Variants in SLC6A12 observed in about 807,000 individuals in gnomAD.
The protein encoded by SLC6A12 is sodium- and chloride-dependent betaine transporter.
SLC6A12 carries 50 observed loss-of-function variants against 73.3 expected under a neutral mutation model. The ratio of observed to expected loss-of-function variants is 0.68; its 90% CI spans 0.54 to 0.86. SLC6A12 has a LOEUF of 0.86. Ranked by LOEUF, SLC6A12 falls within the 40% of genes least tolerant of loss-of-function variation. The probability of loss-of-function intolerance (pLI) is 0.00; values close to 1 mark genes in which losing one functional copy is unlikely to be tolerated. For synonymous variants in SLC6A12, 304 were observed against 309.2 expected, an observed-to-expected ratio of 0.98 and a Z score of 0.18; for missense variants, 648 against 772.8, an observed-to-expected ratio of 0.84 and a Z score of 1.92.
chr12:204,447 C>G (rs747596737), intron 4 of SLC6A12, 117 bp downstream of exon 4: 12 of 1,030,878 alleles, frequency 1.2e-5, no homozygotes, highest in Non-Finnish European at 1.8e-5. Context: ...GCACTTGGCG[C>G]AGGATATGGG....
rs1941011668 is a variant in SLC6A12, at chr12:214,103, G to C, written c.-324C>G. ...CAGAATCCCATGTGACTTGTCCAGG[G>C]ACTCCCAGACAGAAAGAAGCCGTGT... On this transcript the variant is annotated 5_prime_UTR_variant, in exon 1 of 16. Coordinates refer to ENST00000684302, the MANE Select transcript of SLC6A12 (RefSeq NM_001122848.3). The surrounding 1 kb of genome is among the most constrained non-coding windows in gnomAD (Gnocchi z 4.2). The C allele has an allele frequency of 6.6e-6, 1 of 152,620 alleles. No homozygotes were observed. Among genetic ancestry groups the C allele is most frequent in the African/African-American group, 2.4e-5 (1 of 41,474 alleles). 9.5% of individuals were successfully genotyped at this position (152,620 alleles called of 1,614,324 possible).
chr12:204,228 C>T (rs1257821054), intron 4 of SLC6A12: 3 of 292,562 alleles, frequency 1.0e-5, no homozygotes, highest in African/African-American at 6.4e-5. Flanking sequence ...CACCCAGAGC[C>T]TGTGAGTAGA....
rs767026900 is a variant in SLC6A12 at position 202,884 on chromosome 12, C to T, written c.350-4G>A. The T allele has an allele frequency of 1.2e-6, 2 of 1,613,440 alleles. No individual in the cohort carries two copies. The highest frequency in any genetic ancestry group is 1.7e-6 in the Non-Finnish European group (2 of 1,179,764). ...ACCACAGATGCCAGACCAATGCCTT[C>T]CAGAGTGGGGGAGAGATGGGGAGGG... On this transcript the variant is annotated splice_polypyrimidine_tract_variant and splice_region_variant and intron_variant, in intron 4 of 15. Transcript: ENST00000684302.
downstream of SLC6A12, among the ~76,000 whole-genome samples, chr12:188,196 G>A (rs975583722): frequency 2.0e-5 from 3 of 152,298 alleles, no homozygotes; most frequent in East Asian, 1.9e-4. Flanking sequence ...GGCTCGGGCC[G>A]CACAGGAGCC....
At chr12:189,107 C>A (rs1402154052), downstream of SLC6A12, among the ~76,000 whole-genome samples, 1 of 152,210 alleles carries the variant, frequency 6.6e-6, no homozygotes, top group Admixed American at 6.5e-5. Flanking sequence ...CAAAGCGTGC[C>A]CTCCAGGGTG....
At chr12:197,147 A>AGTGTTGG (rs1939930550) in intron 10 of SLC6A12, among the ~76,000 whole-genome samples, 1 of 119,202 alleles carries the variant, frequency 8.4e-6, no homozygotes, top group Non-Finnish European at 1.8e-5. Context: ...CCATCCATCC[A>AGTGTTGG]TCCATCCATC....
At chr12:197,821 G>A (rs1399497108) in intron 9 of SLC6A12, 79 bp downstream of exon 9, 2 of 1,049,258 alleles carry the variant, frequency 1.9e-6, no homozygotes, top group South Asian at 1.4e-5. Context: ...TCTGGGCCCA[G>A]AGACTATGGG....
intron 4 of SLC6A12, among the ~76,000 whole-genome samples, 179 bp from the exon 5 acceptor site, chr12:203,059 C>CTTTTTTTTTTTTTTTTTTTTTTT (rs10582500): frequency 2.9e-5 from 2 of 68,340 alleles, no homozygotes. Flanking sequence ...TTTTTCTTTT[C>CTTTTTTTTTTTTTTTTTTTTTTT]TTTTTTTTTT....
intron 7 of SLC6A12, among the ~76,000 whole-genome samples, chr12:200,254 G>T (rs538565890): frequency 1.3e-5 from 2 of 150,376 alleles, no homozygotes; most frequent in East Asian, 3.9e-4. Flanking sequence ...GACTACAGGT[G>T]CCCACCACCA....
intron 3 of SLC6A12, among the ~76,000 whole-genome samples, chr12:209,085 C>T (rs1056125554): frequency 3.3e-5 from 5 of 152,196 alleles, no homozygotes; most frequent in Non-Finnish European, 5.9e-5. Context: ...ATCCCAGCCA[C>T]ACCTGCCTCC....
intron 4 of SLC6A12, 148 bp downstream of exon 4, chr12:204,416 C>T: frequency 1.3e-6 from 1 of 795,956 alleles, no homozygotes; most frequent in Non-Finnish European, 2.0e-6. Flanking sequence ...TCTCTCCGGC[C>T]CACCCATGAA....
chr12:184,334 T>C, the SLC6A12 span, among the ~76,000 whole-genome samples: 3 of 152,116 alleles, frequency 2.0e-5, no homozygotes. Flanking sequence ...CTATCAAAAA[T>C]CATCAGCTGG....
At chr12:200,555 T>A in intron 7 of SLC6A12, 96 bp downstream of exon 7, 1 of 1,357,380 alleles carries the variant, frequency 7.4e-7, no homozygotes, top group Admixed American at 2.1e-5. Context: ...TGTAGTTTCT[T>A]AATAGAAAGA....
intron 6 of SLC6A12, chr12:201,539 G>A: frequency 3.7e-6 from 2 of 543,140 alleles, no homozygotes; most frequent in South Asian, 4.1e-5. Flanking sequence ...ATGTGGGGCT[G>A]AAGGTGGACA....
chr12:187,978 T>G (rs546614470), downstream of SLC6A12, among the ~76,000 whole-genome samples: 1 of 152,276 alleles, frequency 6.6e-6, no homozygotes, highest in South Asian at 2.1e-4. Flanking sequence ...GAGTGCCGAT[T>G]GGTGTATTTA....
intron 3 of SLC6A12, among the ~76,000 whole-genome samples, chr12:209,294 C>G (rs1940803761): frequency 6.6e-6 from 1 of 152,216 alleles, no homozygotes; most frequent in Non-Finnish European, 1.5e-5. Flanking sequence ...TCTCACCCCT[C>G]CACTCATCAC....
At chr12:188,901 G>A (rs973368126), downstream of SLC6A12, among the ~76,000 whole-genome samples, 43 of 147,810 alleles carry the variant, frequency 2.9e-4, no homozygotes, top group Non-Finnish European at 5.7e-4. Context: ...AGATCCCTTT[G>A]GACTCATCCA....
chr12:184,592 T>C, the SLC6A12 span, among the ~76,000 whole-genome samples: 1,332 of 151,926 alleles, frequency 8.8e-3, 8 homozygotes, highest in Non-Finnish European at 0.015. Context: ...CTACTAAAAA[T>C]ACAAAAAATT....
At chr12:187,180 CCAGTCTG>C (rs1939446125), downstream of SLC6A12, among the ~76,000 whole-genome samples, 3 of 152,296 alleles carry the variant, frequency 2.0e-5, no homozygotes, top group Admixed American at 2.0e-4. Flanking sequence ...CCTCTGTTCA[CCAGTCTG>C]CAACTCAAAC....
Sources: allele counts gnomAD v4.1 joint callset (sites outside exome capture counted in the v4.1 genomes callset), GRCh38; gene constraint gnomAD v4.1.1; non-coding constraint Gnocchi (gnomAD v3.1); transcripts MANE v1.5; gene names NCBI Gene and HGNC (gene_info 2026-07-23, HGNC 2026-07-21).